Variants in WDR17 observed in about 807,000 individuals in gnomAD.
The protein encoded by WDR17 is WD repeat domain 17.
WDR17 carries 143 observed loss-of-function variants against 161.7 expected under a neutral mutation model. The observed-to-expected ratio is 0.88, with a 90% CI of 0.77 to 1.02. The LOEUF (loss-of-function observed/expected upper bound fraction) is 1.02, where lower values mean the gene tolerates loss of function less well. Among genes scored for constraint, WDR17 ranks in the 50% least tolerant of loss-of-function variants. WDR17 has a pLI of 0.00. For synonymous variants in WDR17, 517 were observed against 515.6 expected (o/e 1.00, Z -0.04); for missense variants, 1,469 against 1,520.9 (o/e 0.97, Z 0.57).
intron 2 of WDR17, among the ~76,000 whole-genome samples, chr4:176,112,847 T>G (rs1410178208): frequency 6.6e-6 from 1 of 152,126 alleles, no homozygotes; most frequent in Non-Finnish European, 1.5e-5. Context: ...ATCTTCAAAC[T>G]CCAACTTATT....
intron 1 of WDR17, among the ~76,000 whole-genome samples, chr4:176,078,832 G>C (rs1196971196): frequency 6.6e-6 from 1 of 151,820 alleles, no homozygotes; most frequent in African/African-American, 2.4e-5. Flanking sequence ...ATCAAATCAG[G>C]ATAGTATATC....
rs778918916 is a variant in WDR17, at chr4:176,148,305, A to G, written c.1867A>G (p.Thr623Ala). 2.5e-6 allele frequency: 4 copies of G among 1,613,874 alleles called. No individual in the cohort carries two copies. Among genetic ancestry groups the G allele is most frequent in the Non-Finnish European group, 2.5e-6 (3 of 1,179,926 alleles). Residue 623 changes from threonine (T) to alanine (A), a missense_variant, in exon 13 of 29, where the codon ACT (threonine) becomes GCT (alanine). By Grantham distance (58) the Thr-to-Ala change is moderately conservative (BLOSUM62 0). Transcript: ENST00000508596. ...CACTCGAGAAGGAACTTGTGTGGATACTGTGTATGATCACGGTGCAGATGT... is the reference window on the plus strand; with the variant it reads ...CACTCGAGAAGGAACTTGTGTGGATGCTGTGTATGATCACGGTGCAGATGT... Reference protein sequence around the residue: ...WDTREGTCVDTVYDHGADVYG... With the variant: ...WDTREGTCVDAVYDHGADVYG...
intron 1 of WDR17, chr4:176,111,137 C>T (rs1739665000): frequency 6.6e-6 from 1 of 152,324 alleles, no homozygotes; most frequent in Admixed American, 6.5e-5. Flanking sequence ...AACGTGATGC[C>T]TTGAATGAAT....
At position 176,170,515 on chromosome 4, in the gene WDR17, A is replaced by G. The variant is rs187986841; in HGVS notation, c.3102+1732A>G. On this transcript the variant is annotated intron_variant, in intron 23 of 28. Transcript: ENST00000508596. The stretch of plus-strand genomic sequence containing the variant: ...TTCTTAGTAGAGACAGGGTTTCACC[A>G]TGTTGGTCAGCCTAGTCTCAAACTC... Among the ~76,000 whole-genome samples the G allele has an allele frequency of 5.4e-3, 827 of 152,136 alleles. 6 individuals carry two copies. Among genetic ancestry groups the G allele is most frequent in the African/African-American group, 0.019 (775 of 41,512 alleles).
At position 176,119,873 on chromosome 4, in the gene WDR17, C is replaced by T. The variant is rs756442013; in HGVS notation, c.314C>T (p.Pro105Leu). 6.2e-7 allele frequency: 1 copy of T among 1,613,834 alleles called. No homozygotes were observed. Among genetic ancestry groups the T allele is most frequent in the South Asian group, 1.1e-5 (1 of 91,064 alleles). ...IAKLDSTKGI[P>L]ASLSWCWNAE... is the part of the protein sequence containing the mutation. ...TGTATTTAATGTATTCCAGGGATCC[C>T]TGCTTCTCTTAGTTGGTGCTGGAAT... The change falls in exon 4 of 29, where the codon CCT becomes CTT. Residue 105 changes from proline (P) to leucine (L), a missense_variant. Coordinates refer to ENST00000508596, the MANE Select transcript of WDR17 (RefSeq NM_181265.4).
At chr4:176,178,934 A>G (rs1271862493) in intron 28 of WDR17, among the ~76,000 whole-genome samples, 1 of 152,230 alleles carries the variant, frequency 6.6e-6, no homozygotes, top group Non-Finnish European at 1.5e-5. Context: ...AACTGATGCA[A>G]CTAAATTATA....
chr4:176,151,697 G>A (rs535891451), intron 16 of WDR17, 115 bp from the exon 17 acceptor site: 1 of 928,128 alleles, frequency 1.1e-6, no homozygotes, highest in African/African-American at 1.7e-5. Flanking sequence ...TTGTGTGTTA[G>A]GAACATTTCA....
intron 10 of WDR17, 40 bp downstream of exon 10, chr4:176,140,014 T>C (rs764249067): frequency 1.3e-6 from 2 of 1,489,528 alleles, no homozygotes. Flanking sequence ...AATTACACTG[T>C]TTATAAAGCA....
intron 5 of WDR17, among the ~76,000 whole-genome samples, chr4:176,127,879 A>G (rs1436249354): frequency 6.6e-6 from 1 of 152,180 alleles, no homozygotes; most frequent in African/African-American, 2.4e-5. Context: ...TCTTCTGGAC[A>G]TTTCATATAA....
At chr4:176,103,538 A>C (rs1209596494) in intron 1 of WDR17, among the ~76,000 whole-genome samples, 3 of 152,118 alleles carry the variant, frequency 2.0e-5, no homozygotes, top group Non-Finnish European at 2.9e-5. Context: ...AAACTAAAGG[A>C]GATATGGAGA....
chr4:176,112,533 C>T (rs1354538180), intron 2 of WDR17, among the ~76,000 whole-genome samples: 2 of 152,178 alleles, frequency 1.3e-5, no homozygotes, highest in African/African-American at 4.8e-5. Flanking sequence ...AAACCAATTA[C>T]ATTTTTCTAA....
chr4:176,125,853 A>G (rs898350856), intron 5 of WDR17, among the ~76,000 whole-genome samples: 3 of 152,212 alleles, frequency 2.0e-5, no homozygotes, highest in Admixed American at 2.0e-4. Context: ...ATAGTAATCT[A>G]AACTATAAAC....
chr4:176,090,568 G>T (rs1362954748), intron 1 of WDR17, among the ~76,000 whole-genome samples: 1 of 152,150 alleles, frequency 6.6e-6, no homozygotes, highest in African/African-American at 2.4e-5. Context: ...GTGAGAAATG[G>T]TCTATTTCCA....
In WDR17 at chr4:176,177,985, C is replaced by CAAAAAAAAAA. The variant is rs869298899; in HGVS notation, c.3732+368_3732+377dup. ...GGGCAACAAGAGTGAAACTCCGTCT[C>CAAAAAAAAAA]AAAAAAAAAAAAAAAAAAAAAAAAA... is the stretch of plus-strand genomic sequence containing the variant. On this transcript the variant is annotated intron_variant, in intron 28 of 28. Transcript: ENST00000508596. Among the ~76,000 whole-genome samples the CAAAAAAAAAA allele has an allele frequency of 7.3e-4, 34 of 46,298 alleles. 4 individuals carry two copies. The highest frequency in any genetic ancestry group is 1.2e-3 in the African/African-American group (13 of 11,024). The allele number at this position is 46,298 out of a possible 152,430, so 30.4% of individuals were successfully genotyped here. A position where few individuals can be genotyped will look rare whatever the true frequency, so the allele number is the denominator to read the frequency against.
chr4:176,122,420 T>C (rs570221376), intron 4 of WDR17, among the ~76,000 whole-genome samples: 10 of 152,270 alleles, frequency 6.6e-5, no homozygotes, highest in African/African-American at 2.4e-4. Context: ...AACAACCCAA[T>C]ACAGACTTGT....
intron 1 of WDR17, among the ~76,000 whole-genome samples, chr4:176,084,680 T>G (rs1421808888): frequency 6.6e-6 from 1 of 150,638 alleles, no homozygotes; most frequent in Non-Finnish European, 1.5e-5. Flanking sequence ...CTTTTAAAGC[T>G]TTAATACTTT....
intron 1 of WDR17, among the ~76,000 whole-genome samples, chr4:176,090,324 C>T (rs933563959): frequency 6.6e-6 from 1 of 151,492 alleles, no homozygotes; most frequent in Non-Finnish European, 1.5e-5. Context: ...TCCACGTCAT[C>T]TCTGCGCACA....
In WDR17 at chr4:176,131,704, T is replaced by C. The variant is rs756789949; in HGVS notation, c.1064T>C (p.Met355Thr). The change falls in exon 7 of 29, where the codon ATG becomes ACG. Residue 355 changes from methionine (M) to threonine (T), a missense_variant. Coordinates refer to ENST00000508596, the MANE Select transcript of WDR17 (RefSeq NM_181265.4). Reference sequence around the variant, plus strand: ...GATGGTGGAGTTGGACTTTATGATATGGGAGCTAAGAAGTGGGATTTTCTT... The same window carrying C: ...GATGGTGGAGTTGGACTTTATGATACGGGAGCTAAGAAGTGGGATTTTCTT... ...FLDGGVGLYD[M>T]GAKKWDFLRD... 1.2e-6 allele frequency: 2 copies of C among 1,612,868 alleles called. No homozygotes were observed. The highest frequency in any genetic ancestry group is 1.1e-5 in the South Asian group (1 of 90,790).
rs187216172 is a variant in WDR17 at position 176,108,934 on chromosome 4, C to T, written c.-6-2641C>T. 1.8e-3 allele frequency among the ~76,000 whole-genome samples: 277 copies of T among 152,162 alleles called. 1 individual carries two copies. The highest frequency in any genetic ancestry group is 6.3e-3 in the African/African-American group (262 of 41,528). The stretch of plus-strand genomic sequence containing the variant: ...CTTCCCAAGTAGCTGGGGCTACAGG[C>T]ACGCGCCACCACCCCTGGTTAATTT... On this transcript the variant is annotated intron_variant, in intron 1 of 28. Transcript: ENST00000508596.
Sources: gnomAD v4.1 joint callset for allele counts (sites outside exome capture counted in the v4.1 genomes callset) on GRCh38, gnomAD v4.1.1 for gene constraint, MANE v1.5 for transcripts, NCBI Gene and HGNC (gene_info 2026-07-23, HGNC 2026-07-21) for gene names.